ATXN1: variants seen among roughly 807,000 people sequenced by gnomAD.
ATXN1 encodes the protein ataxin-1.
A neutral mutation model predicts 56.4 loss-of-function variants in ATXN1; 8 were observed. The ratio of observed to expected loss-of-function variants is 0.14; its 90% CI spans 0.08 to 0.26. The LOEUF (loss-of-function observed/expected upper bound fraction) is 0.26, where lower values mean the gene tolerates loss of function less well. Ranked by LOEUF, ATXN1 falls within the 10% of genes least tolerant of loss-of-function variation. The pLI, the probability that ATXN1 is intolerant of heterozygous loss-of-function variation, is 1.00. For synonymous variants in ATXN1, 514 were observed against 494.6 expected, an observed-to-expected ratio of 1.04 and a Z score of -0.52; for missense variants, 987 against 1,106.5, an observed-to-expected ratio of 0.89 and a Z score of 1.53.
At chr6:16,750,867 A>G (rs1395293600) in intron 2 of ATXN1, among the ~76,000 whole-genome samples, 2 of 152,100 alleles carry the variant, frequency 1.3e-5, no homozygotes, top group Admixed American at 6.6e-5. Flanking sequence ...AAAGATCTAA[A>G]TGTGAGGATT....
intron 6 of ATXN1, among the ~76,000 whole-genome samples, chr6:16,400,587 C>T (rs1163018963): frequency 6.6e-6 from 1 of 152,228 alleles, no homozygotes; most frequent in Non-Finnish European, 1.5e-5. Flanking sequence ...CACAAGAATT[C>T]CTGGTTCCTG....
chr6:16,733,980 C>T (rs6907320), intron 2 of ATXN1, among the ~76,000 whole-genome samples: 75,579 of 151,814 alleles, frequency 0.5, 19,072 homozygotes, highest in East Asian at 0.64. Context: ...AAACCCCAGC[C>T]ACTCCGGAGG....
intron 2 of ATXN1, among the ~76,000 whole-genome samples, chr6:16,696,345 G>A (rs142687886): frequency 4.3e-4 from 66 of 152,244 alleles, no homozygotes; most frequent in African/African-American, 1.5e-3. Context: ...AGCTTTTGAG[G>A]CATCAGGACG....
At chr6:16,659,328 A>G (rs1037635972) in intron 2 of ATXN1, among the ~76,000 whole-genome samples, 1 of 152,258 alleles carries the variant, frequency 6.6e-6, no homozygotes, top group African/African-American at 2.4e-5. Flanking sequence ...AATCAACATA[A>G]GCCAGGAAGT....
chr6:16,745,102 G>C (rs532614173), intron 2 of ATXN1, among the ~76,000 whole-genome samples: 2 of 152,254 alleles, frequency 1.3e-5, no homozygotes, highest in African/African-American at 4.8e-5. Flanking sequence ...TAAAACCAAA[G>C]AGCCTATTAA....
At chr6:16,398,176 G>A (rs544856827) in intron 6 of ATXN1, among the ~76,000 whole-genome samples, 126 of 152,176 alleles carry the variant, frequency 8.3e-4, no homozygotes, top group African/African-American at 3.0e-3. Context: ...CCACATCTAC[G>A]TTTACAAATA....
chr6:16,470,411 T>C (rs1056090591), intron 6 of ATXN1, among the ~76,000 whole-genome samples: 3 of 152,144 alleles, frequency 2.0e-5, no homozygotes, highest in Non-Finnish European at 4.4e-5. Flanking sequence ...GGAGATGGCT[T>C]CACATCAATA....
intron 4 of ATXN1, among the ~76,000 whole-genome samples, chr6:16,559,148 A>T (rs902400275): frequency 1.3e-5 from 2 of 152,202 alleles, no homozygotes; most frequent in African/African-American, 2.4e-5. Context: ...CTGTGGAGAA[A>T]AGCACACTCA....
Position 16,306,963 on chromosome 6 carries a change from A to G in ATXN1, c.1918-104T>C. 7.7e-7 allele frequency: 1 copy of G among 1,301,110 alleles called. No homozygotes were observed. Among genetic ancestry groups the G allele is most frequent in the East Asian group, 2.4e-5 (1 of 41,378 alleles). 80.6% of individuals were successfully genotyped at this position (1,301,110 alleles called of 1,614,324 possible). A position where few individuals can be genotyped will look rare whatever the true frequency, so the allele number is the denominator to read the frequency against. On this transcript the variant is annotated intron_variant, in intron 7 of 7. Coordinates refer to ENST00000436367, the MANE Select transcript of ATXN1 (RefSeq NM_001128164.2). This position sits in a 1 kb window ranked among gnomAD's most constrained non-coding sequence, Gnocchi z 5.2. ...CACACACACAGGTATGAACTCACAC[A>G]GACACACACAGGCTGAATGGGGGAA...
At chr6:16,371,264 T>C (rs903483378) in intron 6 of ATXN1, among the ~76,000 whole-genome samples, 2 of 152,158 alleles carry the variant, frequency 1.3e-5, no homozygotes, top group African/African-American at 4.8e-5. Flanking sequence ...TGAACACTTA[T>C]GTGAACTAAA....
At chr6:16,620,882 A>G (rs918396717) in intron 3 of ATXN1, among the ~76,000 whole-genome samples, 10 of 152,202 alleles carry the variant, frequency 6.6e-5, no homozygotes, top group African/African-American at 2.4e-4. Flanking sequence ...TCTATAAGCA[A>G]AGGAGAACTC....
intron 3 of ATXN1, among the ~76,000 whole-genome samples, chr6:16,654,312 A>G (rs1235540835): frequency 6.6e-6 from 1 of 152,170 alleles, no homozygotes; most frequent in Non-Finnish European, 1.5e-5. Context: ...TTGGAAGGCC[A>G]AGGCAGATGG....
intron 2 of ATXN1, among the ~76,000 whole-genome samples, chr6:16,721,344 G>A (rs1347576864): frequency 2.0e-5 from 3 of 152,190 alleles, no homozygotes; most frequent in Non-Finnish European, 1.5e-5. Flanking sequence ...TGTACCAAGT[G>A]GCTGGGGGTG....
chr6:16,622,831 G>A (rs1454693207), intron 3 of ATXN1, among the ~76,000 whole-genome samples: 2 of 152,136 alleles, frequency 1.3e-5, no homozygotes, highest in South Asian at 2.1e-4. Context: ...AGAGAAAAAC[G>A]AGTTCTAATC....
At position 16,477,014 on chromosome 6, in the gene ATXN1, C is replaced by T. The variant is rs141211585; in HGVS notation, c.-161+8958G>A. On this transcript the variant is annotated intron_variant, in intron 6 of 7. Coordinates refer to ENST00000436367, the MANE Select transcript of ATXN1 (RefSeq NM_001128164.2). Reference sequence around the variant, plus strand: ...TTGAGACTACAAAAACTCTTTTAGTCGTGAAGGGAAAGGCAACAATGCATA... The same window carrying T: ...TTGAGACTACAAAAACTCTTTTAGTTGTGAAGGGAAAGGCAACAATGCATA... 3.0e-3 allele frequency among the ~76,000 whole-genome samples: 464 copies of T among 152,330 alleles called. 1 individual carries two copies. Among genetic ancestry groups the T allele is most frequent in the Non-Finnish European group, 5.3e-3 (362 of 68,040 alleles).
chr6:16,331,449 C>G (rs532398430), intron 6 of ATXN1, among the ~76,000 whole-genome samples: 1 of 152,198 alleles, frequency 6.6e-6, no homozygotes, highest in Admixed American at 6.5e-5. Flanking sequence ...TCCATACCAA[C>G]GAGCAAGGAA....
rs1292053818 is a variant in ATXN1, at chr6:16,589,611, C to T, written c.-488-3704G>A. 9.2e-5 allele frequency among the ~76,000 whole-genome samples: 14 copies of T among 152,202 alleles called. No homozygotes were observed. In the East Asian group the frequency reaches 2.7e-3, roughly 29 times the overall value. ...AAACGGGCTAATAACACCTACCTCA[C>T]AGGGTTGTTACGAGAGTTAACTAAG... On this transcript the variant is annotated intron_variant, in intron 3 of 7. Transcript: ENST00000436367.
intron 2 of ATXN1, among the ~76,000 whole-genome samples, chr6:16,693,060 T>G (rs1759083065): frequency 6.6e-6 from 1 of 152,122 alleles, no homozygotes; most frequent in Non-Finnish European, 1.5e-5. Flanking sequence ...TGCCCTAACT[T>G]CTCTGTGCCT....
chr6:16,577,357 C>G (rs1013720203), intron 4 of ATXN1, among the ~76,000 whole-genome samples: 5 of 151,956 alleles, frequency 3.3e-5, no homozygotes, highest in African/African-American at 1.2e-4. Context: ...AACCCCATCT[C>G]TACTAAAAAT....
Sources: allele counts gnomAD v4.1 joint callset (sites outside exome capture counted in the v4.1 genomes callset), GRCh38; gene constraint gnomAD v4.1.1; non-coding constraint Gnocchi (gnomAD v3.1); transcripts MANE v1.5; gene names NCBI Gene and HGNC (gene_info 2026-07-23, HGNC 2026-07-21).